Variants in SHTN1 observed in about 807,000 individuals in gnomAD.
SHTN1 encodes the protein shootin 1, also known as shootin-1.
A neutral mutation model predicts 83.1 loss-of-function variants in SHTN1; 42 were observed. That is an observed-to-expected ratio of 0.51 (90% CI 0.39 to 0.65). The LOEUF (loss-of-function observed/expected upper bound fraction) is 0.65. Ranked by LOEUF, SHTN1 falls within the 30% of genes least tolerant of loss-of-function variation. SHTN1 has a pLI of 0.00. For missense variants in SHTN1, 622 were observed against 737.8 expected, an observed-to-expected ratio of 0.84 and a Z score of 1.82; for synonymous variants, 224 against 247.7, an observed-to-expected ratio of 0.90 and a Z score of 0.90.
chr10:117,005,375 G>A (rs1589891617), upstream of SHTN1: 3 of 1,210,330 alleles, frequency 2.5e-6, no homozygotes, highest in East Asian at 4.7e-5. Context: ...TGTGGCTGCC[G>A]GCGCGGCAGG....
chr10:117,077,467 T>C (rs1853177274), intron 1 of SHTN1, among the ~76,000 whole-genome samples: 2 of 151,948 alleles, frequency 1.3e-5, no homozygotes, highest in Admixed American at 1.3e-4. Flanking sequence ...TTTTTTTTAT[T>C]AGGAGGGAGG....
At chr10:117,068,625 AAG>A (rs1279599013) in intron 1 of SHTN1, among the ~76,000 whole-genome samples, 7 of 145,378 alleles carry the variant, frequency 4.8e-5, no homozygotes, top group Non-Finnish European at 7.6e-5. Flanking sequence ...AAAAAAAAAA[AAG>A]AGTCATCAAT....
chr10:117,003,452 T>C (rs1355225653), intron 1 of SHTN1, among the ~76,000 whole-genome samples: 2 of 150,634 alleles, frequency 1.3e-5, no homozygotes, highest in African/African-American at 2.5e-5. Context: ...CACAGAAGAA[T>C]GTGTTATGTC....
chr10:117,079,985 G>C, intron 1 of SHTN1, among the ~76,000 whole-genome samples: 1 of 66,986 alleles, frequency 1.5e-5, no homozygotes, highest in Non-Finnish European at 2.8e-5. Context: ...CATTTTGTAG[G>C]TTGCCTGTTC....
At chr10:116,983,062 T>C (rs1851085940) in intron 1 of SHTN1, among the ~76,000 whole-genome samples, 1 of 152,046 alleles carries the variant, frequency 6.6e-6, no homozygotes, top group Non-Finnish European at 1.5e-5. Context: ...GATTTACAGG[T>C]ACAGTATATT....
intron 1 of SHTN1, among the ~76,000 whole-genome samples, chr10:117,065,733 A>AG (rs1852970528): frequency 5.8e-5 from 1 of 17,184 alleles, no homozygotes; most frequent in African/African-American, 1.7e-4. Context: ...GAGATGAAAG[A>AG]AAGAAAGAAA....
chr10:117,000,764 C>T (rs1249094322), intron 1 of SHTN1, among the ~76,000 whole-genome samples: 3 of 152,124 alleles, frequency 2.0e-5, no homozygotes, highest in African/African-American at 7.2e-5. Context: ...AAGTATCCTG[C>T]CCTCCCGTGG....
chr10:117,093,998 C>A (rs1472646838), intron 1 of SHTN1, among the ~76,000 whole-genome samples: 2 of 152,082 alleles, frequency 1.3e-5, no homozygotes, highest in African/African-American at 4.8e-5. Flanking sequence ...TTTTGAGAAA[C>A]AAATTTGATA....
Position 116,885,588 on chromosome 10 carries a change from A to G in SHTN1, c.*756T>C, listed in dbSNP as rs1397015850. On this transcript the variant is annotated 3_prime_UTR_variant, in exon 17 of 17. Coordinates refer to ENST00000355371, the MANE Select transcript of SHTN1 (RefSeq NM_001127211.3). ...TACTTGTGCCACATTAGTATTTGGG[A>G]AAACATAATTAACTCATAGCACAGA... The G allele has an allele frequency of 6.6e-6, 1 of 152,630 alleles. No individual in the cohort carries two copies. The highest frequency in any genetic ancestry group is 1.5e-5 in the Non-Finnish European group (1 of 68,046). 9.5% of individuals were successfully genotyped at this position (152,630 alleles called of 1,614,324 possible). A position where few individuals can be genotyped will look rare whatever the true frequency, so the allele number is the denominator to read the frequency against.
intron 16 of SHTN1, among the ~76,000 whole-genome samples, chr10:116,889,973 C>T (rs550068279): frequency 6.6e-6 from 1 of 152,262 alleles, no homozygotes; most frequent in African/African-American, 2.4e-5. Flanking sequence ...CCTCATTCTA[C>T]CTTCATTCCT....
At chr10:116,899,409 A>T (rs1036509553) in intron 16 of SHTN1, among the ~76,000 whole-genome samples, 1 of 152,094 alleles carries the variant, frequency 6.6e-6, no homozygotes, top group Non-Finnish European at 1.5e-5. Context: ...CAGCTCTTAG[A>T]GAAGACCATA....
intron 2 of SHTN1, among the ~76,000 whole-genome samples, chr10:116,976,924 C>T (rs932678767): frequency 6.6e-6 from 1 of 152,190 alleles, no homozygotes; most frequent in African/African-American, 2.4e-5. Context: ...ACAACAGAAG[C>T]AGGTCAATAA....
intron 1 of SHTN1, among the ~76,000 whole-genome samples, chr10:117,122,016 A>G (rs1045739075): frequency 6.6e-6 from 1 of 152,232 alleles, no homozygotes; most frequent in African/African-American, 2.4e-5. Context: ...TGGGCGACAC[A>G]GCAAGACCCC....
intron 1 of SHTN1, among the ~76,000 whole-genome samples, chr10:117,069,316 G>C (rs117030104): frequency 1.3e-5 from 2 of 152,106 alleles, no homozygotes; most frequent in Admixed American, 1.3e-4. Context: ...CACCAATCTC[G>C]GATTAGAGCA....
chr10:116,886,751 T>C (rs1022814739), intron 16 of SHTN1, among the ~76,000 whole-genome samples, 185 bp from the exon 17 acceptor site: 6 of 152,174 alleles, frequency 3.9e-5, no homozygotes, highest in African/African-American at 1.4e-4. Context: ...ACACAGCTGA[T>C]ACTAGGAGCA....
intron 16 of SHTN1, among the ~76,000 whole-genome samples, chr10:116,888,287 T>A (rs17616250): frequency 0.026 from 3,911 of 152,062 alleles, 81 homozygotes; most frequent in Non-Finnish European, 0.04. Flanking sequence ...TGGGGTGTAG[T>A]TTCTCCAGTG....
intron 2 of SHTN1, among the ~76,000 whole-genome samples, chr10:117,035,689 C>T (rs368702567): frequency 2.0e-4 from 30 of 151,998 alleles, no homozygotes; most frequent in Middle Eastern, 6.8e-3. Context: ...TGGTGGCTCA[C>T]GTCTGTAATC....
chr10:116,913,375 A>AT (rs1171514473), intron 13 of SHTN1, among the ~76,000 whole-genome samples: 22 of 152,176 alleles, frequency 1.4e-4, no homozygotes, highest in Admixed American at 1.1e-3. Flanking sequence ...TGACCAGGTC[A>AT]TTCAGCACTG....
At chr10:116,905,758 G>A (rs960986004) in intron 15 of SHTN1, among the ~76,000 whole-genome samples, 30 of 152,280 alleles carry the variant, frequency 2.0e-4, no homozygotes, top group African/African-American at 7.0e-4. Context: ...CATTAGCTGC[G>A]ATTGCTGATT....
Sources: allele counts gnomAD v4.1 joint callset (sites outside exome capture counted in the v4.1 genomes callset), GRCh38; gene constraint gnomAD v4.1.1; transcripts MANE v1.5; gene names NCBI Gene and HGNC (gene_info 2026-07-23, HGNC 2026-07-21).